The following MYO9A variants were observed in gnomAD, a reference collection of about 807,000 sequenced individuals.
The protein encoded by MYO9A is myosin IXA, also known as unconventional myosin-IXa.
In MYO9A, 103 loss-of-function variants were observed where a neutral mutation model predicts 293.3. That is an observed-to-expected ratio of 0.35 (90% confidence interval 0.30 to 0.41). The LOEUF (loss-of-function observed/expected upper bound fraction) is 0.41, where lower values mean the gene tolerates loss of function less well. MYO9A is among the 10% of genes least tolerant of loss of function. The pLI, the probability that MYO9A is intolerant of heterozygous loss-of-function variation, is 1.00. For synonymous variants in MYO9A, 1,001 were observed against 1,035.7 expected, an observed-to-expected ratio of 0.97 and a Z score of 0.64; for missense variants, 2,685 against 3,033.0, an observed-to-expected ratio of 0.89 and a Z score of 2.69.
chr15:72,048,858 T>C (rs1174384748), intron 1 of MYO9A, among the ~76,000 whole-genome samples: 1 of 152,248 alleles, frequency 6.6e-6, no homozygotes, highest in Non-Finnish European at 1.5e-5. Context: ...TGCTGTTGGC[T>C]TTTAAAAATT....
At chr15:72,060,016 G>A (rs891740161) in intron 1 of MYO9A, among the ~76,000 whole-genome samples, 3 of 152,172 alleles carry the variant, frequency 2.0e-5, no homozygotes, top group African/African-American at 7.2e-5. Flanking sequence ...AGTGAGTTGA[G>A]TTGCCTCTCC....
At chr15:71,953,981 T>G (rs915021179) in intron 14 of MYO9A, among the ~76,000 whole-genome samples, 1 of 150,456 alleles carries the variant, frequency 6.6e-6, no homozygotes, top group African/African-American at 2.5e-5. Flanking sequence ...CTGCACCCTC[T>G]GCATCCCGGG....
At chr15:72,085,989 G>A (rs1486427208) in intron 1 of MYO9A, among the ~76,000 whole-genome samples, 1 of 152,176 alleles carries the variant, frequency 6.6e-6, no homozygotes, top group African/African-American at 2.4e-5. Flanking sequence ...GCTCCTCAAT[G>A]TTAGGAACCC....
At chr15:71,993,424 AAC>A (rs1201360225) in intron 10 of MYO9A, among the ~76,000 whole-genome samples, 1 of 152,194 alleles carries the variant, frequency 6.6e-6, no homozygotes, top group Admixed American at 6.5e-5. Context: ...AGACAAAAAT[AAC>A]ACAAAGTTAT....
At chr15:71,840,956 T>G (rs957146244) in intron 39 of MYO9A, among the ~76,000 whole-genome samples, 28 of 152,310 alleles carry the variant, frequency 1.8e-4, no homozygotes, top group Middle Eastern at 3.4e-3. Context: ...TACAAATCTT[T>G]TACATTTCTT....
intron 32 of MYO9A, among the ~76,000 whole-genome samples, chr15:71,864,042 C>T (rs1032391033): frequency 1.3e-5 from 2 of 152,126 alleles, no homozygotes; most frequent in African/African-American, 4.8e-5. Context: ...AAACCACAGA[C>T]TCGGAGAAAA....
chr15:71,849,997 T>A (rs1430411977), intron 38 of MYO9A, 39 bp downstream of exon 38: 2 of 1,587,220 alleles, frequency 1.3e-6, no homozygotes, highest in Non-Finnish European at 1.7e-6. Context: ...TAGTCAGAAG[T>A]CCCTGAGGTC....
Position 71,848,958 on chromosome 15 carries a change from G to C in MYO9A, c.6724C>G (p.Leu2242Val). Residue 2242 changes from leucine (L) to valine (V), a missense_variant, in exon 39 of 42, where the codon CTG (leucine) becomes GTG (valine). Leu to Val is a conservative substitution (Grantham distance 32). Around this residue, in one of 10 missense-constraint regions of MYO9A, gnomAD observed 238 missense variants for 269.1 expected, o/e 0.88. Coordinates refer to ENST00000356056, the MANE Select transcript of MYO9A (RefSeq NM_006901.4). Reference protein sequence around the residue: ...DISKTTTCVELIVVEQMNKYK... With the variant: ...DISKTTTCVEVIVVEQMNKYK... ...TTATTCATTTGTTCCACAACAATCA[G>C]TTCCACACAACTGAAACAGAAGGAA... is the stretch of plus-strand genomic sequence containing the variant. 11 of 1,596,536 alleles carry C rather than the reference G, an allele frequency of 6.9e-6. No homozygotes were observed. The highest frequency in any genetic ancestry group is 9.4e-6 in the Non-Finnish European group (11 of 1,175,474).
intron 1 of MYO9A, among the ~76,000 whole-genome samples, chr15:72,080,926 G>A (rs2079525390): frequency 1.3e-5 from 2 of 152,046 alleles, no homozygotes; most frequent in African/African-American, 4.8e-5. Flanking sequence ...GTATTCCATG[G>A]TGTATATATA....
intron 15 of MYO9A, among the ~76,000 whole-genome samples, chr15:71,950,887 G>A (rs1317222695): frequency 7.2e-5 from 11 of 152,118 alleles, no homozygotes; most frequent in South Asian, 4.1e-4. Flanking sequence ...TCCATTATAC[G>A]CAAATTGCTG....
chr15:71,886,038 T>C (rs919316948), intron 27 of MYO9A, among the ~76,000 whole-genome samples: 6 of 152,234 alleles, frequency 3.9e-5, no homozygotes, highest in African/African-American at 1.2e-4. Context: ...AAAAGGCCTG[T>C]TGATAGTTAC....
chr15:71,946,317 A>C (rs970753630), intron 15 of MYO9A, among the ~76,000 whole-genome samples: 5 of 152,172 alleles, frequency 3.3e-5, no homozygotes, highest in Non-Finnish European at 7.4e-5. Flanking sequence ...TCTTGGCCTA[A>C]ACTTCGTGTG....
At chr15:72,082,626 A>G (rs2079581939) in intron 1 of MYO9A, among the ~76,000 whole-genome samples, 1 of 152,052 alleles carries the variant, frequency 6.6e-6, no homozygotes, top group Admixed American at 6.6e-5. Context: ...TGCCAGATTA[A>G]GACAAATGTT....
At position 71,994,453 on chromosome 15, in the gene MYO9A, T is replaced by C. The variant is rs779911855; in HGVS notation, c.1587+16A>G. On this transcript the variant is annotated intron_variant, in intron 10 of 41. Transcript: ENST00000356056. ...GCTTTCAGGGAAAAACATATTATAA[T>C]CCAATATATCATTACCTTGGTATTA... The C allele has an allele frequency of 6.2e-6, 9 of 1,449,342 alleles. No homozygotes were observed. The South Asian group carries it at 1.1e-4, about 18-fold the overall frequency. 89.8% of individuals were successfully genotyped at this position (1,449,342 alleles called of 1,614,324 possible).
chr15:72,111,214 G>A (rs12914312), intron 1 of MYO9A, among the ~76,000 whole-genome samples: 2,067 of 151,544 alleles, frequency 0.014, 22 homozygotes, highest in East Asian at 0.025. Flanking sequence ...AATAGGCTGC[G>A]CACAGTGGCT....
intron 1 of MYO9A, among the ~76,000 whole-genome samples, chr15:72,099,239 G>T (rs1490886325): frequency 6.6e-6 from 1 of 151,902 alleles, no homozygotes; most frequent in African/African-American, 2.4e-5. Flanking sequence ...AGAAGTTCCA[G>T]ACCAGTCTGG....
chr15:72,080,700 T>C (rs1255006155), intron 1 of MYO9A, among the ~76,000 whole-genome samples: 1 of 152,104 alleles, frequency 6.6e-6, no homozygotes, highest in African/African-American at 2.4e-5. Context: ...TACAGATTAT[T>C]TCATCACCCA....
At chr15:72,008,218 TGTTTACA>T (rs2077069399) in intron 7 of MYO9A, among the ~76,000 whole-genome samples, 3 of 152,200 alleles carry the variant, frequency 2.0e-5, no homozygotes, top group African/African-American at 7.2e-5. Context: ...TTTGTCACAG[TGTTTACA>T]GTGTTTTAAA....
chr15:71,827,837 C>T, intron 41 of MYO9A, 47 bp downstream of exon 41: 1 of 1,567,778 alleles, frequency 6.4e-7, no homozygotes. Context: ...CTTTATTCCT[C>T]CTTTGCAAAA....
Sources: gnomAD v4.1 joint callset for allele counts (sites outside exome capture counted in the v4.1 genomes callset) on GRCh38, gnomAD v4.1.1 for gene constraint, gnomAD v4.1.1 regional missense constraint, MANE v1.5 for transcripts, NCBI Gene and HGNC (gene_info 2026-07-23, HGNC 2026-07-21) for gene names.